The following DGKB variants were observed in gnomAD, a reference collection of about 807,000 sequenced individuals.
DGKB encodes diacylglycerol kinase beta.
In DGKB, 67 loss-of-function variants were observed where a neutral mutation model predicts 114.3. The observed-to-expected ratio is 0.59, with a 90% CI of 0.48 to 0.72. The LOEUF is 0.72. DGKB is among the 30% of genes least tolerant of loss of function. The pLI, the probability that DGKB is intolerant of heterozygous loss-of-function variation, is 0.00. For synonymous variants in DGKB, 398 were observed against 323.1 expected, an observed-to-expected ratio of 1.23 and a Z score of -2.49; for missense variants, 907 against 975.2, an observed-to-expected ratio of 0.93 and a Z score of 0.93.
At position 14,668,735 on chromosome 7, in the gene DGKB, G is replaced by A. The variant is rs1009577802; in HGVS notation, c.1134+4194C>T. Among the ~76,000 whole-genome samples the A allele has an allele frequency of 3.3e-5, 5 of 151,842 alleles. No individual in the cohort carries two copies. In the South Asian group the frequency reaches 1.0e-3, roughly 32 times the overall value. On this transcript the variant is annotated intron_variant, in intron 13 of 25. Transcript: ENST00000402815. Reference sequence around the variant, plus strand: ...TGTACTATTTCTAAAATCTATTACTGTACCTCATATTTAATGTTCTTACTT... The same window carrying A: ...TGTACTATTTCTAAAATCTATTACTATACCTCATATTTAATGTTCTTACTT...
rs1041599782 is a variant in DGKB, at chr7:14,694,192, G to A, written c.594C>T (p.Ile198=). ...LEWDVTELNP[I]LHEMMEEIDY... ...CAATTTCTTCCATCATTTCATGGAG[G>A]ATCTGGAGTAGAGGAGATAAGGGAA... The change falls in exon 9 of 26, where the codon ATC becomes ATT. Residue 198 remains isoleucine, a splice_region_variant and synonymous_variant. Transcript: ENST00000402815. 6.4e-7 allele frequency: 1 copy of A among 1,565,628 alleles called. No individual in the cohort carries two copies. Among genetic ancestry groups the A allele is most frequent in the Non-Finnish European group, 8.7e-7 (1 of 1,153,874 alleles).
intron 23 of DGKB, among the ~76,000 whole-genome samples, chr7:14,232,920 G>C (rs981666851): frequency 6.6e-6 from 1 of 151,972 alleles, no homozygotes; most frequent in South Asian, 2.1e-4. Context: ...GCTCTAATGT[G>C]TCAATTTCCA....
At chr7:14,487,316 G>T (rs1191835113) in intron 20 of DGKB, among the ~76,000 whole-genome samples, 1 of 152,080 alleles carries the variant, frequency 6.6e-6, no homozygotes, top group African/African-American at 2.4e-5. Flanking sequence ...TGAAACCTTA[G>T]AATTTTAAAT....
chr7:14,275,163 CTA>C (rs1216150091), intron 23 of DGKB, among the ~76,000 whole-genome samples: 1 of 152,040 alleles, frequency 6.6e-6, no homozygotes, highest in Non-Finnish European at 1.5e-5. Context: ...TACTTAAGTT[CTA>C]TGTTTATTCT....
intron 13 of DGKB, among the ~76,000 whole-genome samples, chr7:14,655,748 C>A (rs1423227367): frequency 6.6e-6 from 1 of 151,300 alleles, no homozygotes; most frequent in African/African-American, 2.4e-5. Context: ...CATGGATGAA[C>A]CTGAAGGGCA....
intron 2 of DGKB, among the ~76,000 whole-genome samples, chr7:14,821,821 A>G (rs562177154): frequency 6.6e-6 from 1 of 152,296 alleles, no homozygotes; most frequent in Non-Finnish European, 1.5e-5. Context: ...AAGAGGCAAG[A>G]AGACCAAGAA....
At chr7:14,923,899 G>T (rs1215712898) in intron 1 of DGKB, among the ~76,000 whole-genome samples, 1 of 147,444 alleles carries the variant, frequency 6.8e-6, no homozygotes, top group South Asian at 2.2e-4. Context: ...GGAGGCTGAG[G>T]CAGGAGAATC....
At chr7:14,297,096 G>C (rs999517297) in intron 23 of DGKB, among the ~76,000 whole-genome samples, 1 of 152,094 alleles carries the variant, frequency 6.6e-6, no homozygotes, top group Non-Finnish European at 1.5e-5. Context: ...CCCAGGACCA[G>C]ACAGATTCAC....
chr7:14,923,623 C>A (rs1292923344), intron 1 of DGKB, among the ~76,000 whole-genome samples: 1 of 152,166 alleles, frequency 6.6e-6, no homozygotes, highest in Non-Finnish European at 1.5e-5. Flanking sequence ...CTTTTGATAT[C>A]TGGCATTCAT....
At chr7:14,951,960 C>T (rs1334170502) in intron 1 of DGKB, among the ~76,000 whole-genome samples, 1 of 151,898 alleles carries the variant, frequency 6.6e-6, no homozygotes, top group Admixed American at 6.6e-5. Context: ...GTCCCCCTAC[C>T]CCATTGATAT....
At position 14,156,184 on chromosome 7, in the gene DGKB, T is replaced by A. The variant is rs540760895; in HGVS notation, c.2305-6946A>T. ...ATTAATTAGGGTGAAACCTTCAAAC[T>A]ACATGAAATAAGGTGAGGCATGCCT... On this transcript the variant is annotated intron_variant, in intron 25 of 25. Transcript: ENST00000402815. Among the ~76,000 whole-genome samples the A allele has an allele frequency of 2.0e-5, 3 of 152,240 alleles. No individual in the cohort carries two copies. In the South Asian group the frequency reaches 6.2e-4, roughly 32 times the overall value.
intron 20 of DGKB, among the ~76,000 whole-genome samples, chr7:14,521,439 T>G (rs2128566262): frequency 6.6e-6 from 1 of 152,266 alleles, no homozygotes; most frequent in South Asian, 2.1e-4. Context: ...TTGTGGTTGG[T>G]TGATTTTAGA....
At chr7:14,694,579 T>C (rs1293896944) in intron 8 of DGKB, among the ~76,000 whole-genome samples, 1 of 152,190 alleles carries the variant, frequency 6.6e-6, no homozygotes, top group Non-Finnish European at 1.5e-5. Context: ...CATATAATTC[T>C]TTGCTAAGTA....
intron 23 of DGKB, among the ~76,000 whole-genome samples, chr7:14,328,790 T>G (rs1384459049): frequency 6.6e-6 from 1 of 152,058 alleles, no homozygotes; most frequent in Non-Finnish European, 1.5e-5. Context: ...CATGTAGATT[T>G]GTAATCTTAC....
At chr7:14,313,997 G>T (rs540044163) in intron 23 of DGKB, among the ~76,000 whole-genome samples, 1 of 152,284 alleles carries the variant, frequency 6.6e-6, no homozygotes, top group South Asian at 2.1e-4. Context: ...CAGTTTAACT[G>T]CGAGGCACCC....
intron 8 of DGKB, among the ~76,000 whole-genome samples, chr7:14,694,960 T>A (rs1002532054): frequency 1.3e-5 from 2 of 152,178 alleles, no homozygotes; most frequent in Non-Finnish European, 2.9e-5. Context: ...TCCCATCTAA[T>A]GGCGTCAAGA....
chr7:14,494,122 T>C (rs1192833135), intron 20 of DGKB, among the ~76,000 whole-genome samples: 1 of 151,994 alleles, frequency 6.6e-6, no homozygotes, highest in East Asian at 1.9e-4. Context: ...GTTTAAAATA[T>C]ATGAAAATGC....
Position 14,169,750 on chromosome 7 carries a change from A to G in DGKB, c.2304+7089T>C, listed in dbSNP as rs184648743. 3.2e-4 allele frequency among the ~76,000 whole-genome samples: 49 copies of G among 152,286 alleles called. 1 individual carries two copies. Among genetic ancestry groups the G allele is most frequent in the Admixed American group, 3.2e-3 (49 of 15,294 alleles). Reference sequence around the variant, plus strand: ...CTTTGGCTGCAGTGGGAAGCAAAATATGTATTACATAAAAATAAATAATAT... The same window carrying G: ...CTTTGGCTGCAGTGGGAAGCAAAATGTGTATTACATAAAAATAAATAATAT... On this transcript the variant is annotated intron_variant, in intron 25 of 25. Transcript: ENST00000402815.
intron 23 of DGKB, among the ~76,000 whole-genome samples, chr7:14,252,594 C>A (rs1795399570): frequency 1.3e-5 from 2 of 152,122 alleles, no homozygotes; most frequent in Non-Finnish European, 2.9e-5. Flanking sequence ...GGCACCTGGG[C>A]CCACAGGGCT....
Sources: allele counts gnomAD v4.1 joint callset (sites outside exome capture counted in the v4.1 genomes callset), GRCh38; gene constraint gnomAD v4.1.1; transcripts MANE v1.5; gene names NCBI Gene and HGNC (gene_info 2026-07-23, HGNC 2026-07-21).